Variants in SAMD4A observed in about 807,000 individuals in gnomAD.
The protein encoded by SAMD4A is protein Smaug homolog 1.
A neutral mutation model predicts 81.3 loss-of-function variants in SAMD4A; 33 were observed. The observed-to-expected ratio is 0.41, with a 90% CI of 0.31 to 0.54. SAMD4A has a LOEUF of 0.54. SAMD4A is among the 20% of genes least tolerant of loss of function. The pLI, the probability that SAMD4A is intolerant of heterozygous loss-of-function variation, is 0.37. For synonymous variants in SAMD4A, 389 were observed against 382.1 expected (o/e 1.02, Z -0.21); for missense variants, 854 against 951.1 (o/e 0.90, Z 1.34).
At chr14:54,776,598 T>A (rs573142579) in intron 11 of SAMD4A, 58 bp downstream of exon 11, 2 of 1,447,984 alleles carry the variant, frequency 1.4e-6, no homozygotes, top group East Asian at 5.4e-5. Context: ...ATAGATGCCC[T>A]AGCAAACCCA....
At position 54,793,168 on chromosome 14, in the gene SAMD4A, T is replaced by C. The variant is rs187226136; in HGVS notation, c.*4224T>C. ...CAAGTGTACAGTTTTCAAATGTTGT[T>C]ACCAGTGAAACACCCTTGTGGTTTA... On this transcript the variant is annotated 3_prime_UTR_variant, in exon 13 of 13. Transcript: ENST00000554335. 10 of 152,366 alleles carry C rather than the reference T, an allele frequency of 6.6e-5. No individual in the cohort carries two copies. The East Asian group carries it at 1.9e-3, about 29-fold the overall frequency. The allele number at this position is 152,366 out of a possible 1,614,324, so 9.4% of individuals were successfully genotyped here.
At chr14:54,616,239 C>G (rs1007545671) in intron 2 of SAMD4A, among the ~76,000 whole-genome samples, 1 of 152,196 alleles carries the variant, frequency 6.6e-6, no homozygotes, top group Non-Finnish European at 1.5e-5. Context: ...AACTATTCAG[C>G]GTTAACCCCA....
chr14:54,783,303 A>C (rs1413336216), intron 11 of SAMD4A, among the ~76,000 whole-genome samples: 1 of 152,284 alleles, frequency 6.6e-6, no homozygotes, highest in East Asian at 1.9e-4. Context: ...ATTCAGAGAG[A>C]TAGGGAAGCA....
At chr14:54,589,284 G>T (rs758361614) in intron 2 of SAMD4A, among the ~76,000 whole-genome samples, 1 of 152,154 alleles carries the variant, frequency 6.6e-6, no homozygotes, top group Non-Finnish European at 1.5e-5. Context: ...AACAGTGACT[G>T]CCATGGGTTA....
At chr14:54,749,578 C>A (rs1354361003) in intron 5 of SAMD4A, among the ~76,000 whole-genome samples, 2 of 152,186 alleles carry the variant, frequency 1.3e-5, no homozygotes, top group Non-Finnish European at 2.9e-5. Context: ...TTCCCTTCTG[C>A]ATGCCATAAA....
At chr14:54,773,946 C>T (rs1018808279) in intron 9 of SAMD4A, among the ~76,000 whole-genome samples, 18 of 152,198 alleles carry the variant, frequency 1.2e-4, no homozygotes, top group Admixed American at 1.0e-3. Flanking sequence ...TCTCCAAGTC[C>T]GCCACACAGA....
chr14:54,736,974 C>T (rs761225637), intron 3 of SAMD4A, 50 bp from the exon 4 acceptor site: 46 of 1,600,178 alleles, frequency 2.9e-5, no homozygotes, highest in Non-Finnish European at 3.7e-5. Flanking sequence ...CTTCGGTGTC[C>T]CAGGATAAAG....
intron 2 of SAMD4A, among the ~76,000 whole-genome samples, chr14:54,569,283 G>A (rs917260632): frequency 2.0e-5 from 3 of 152,172 alleles, no homozygotes; most frequent in African/African-American, 7.2e-5. Context: ...GCAGCAAGAA[G>A]CGAGCCGGCC....
At chr14:54,710,664 C>T (rs1046452356) in intron 3 of SAMD4A, among the ~76,000 whole-genome samples, 2 of 152,128 alleles carry the variant, frequency 1.3e-5, no homozygotes, top group Non-Finnish European at 2.9e-5. Flanking sequence ...CCACAGCCCA[C>T]AGGTATGAGA....
intron 2 of SAMD4A, among the ~76,000 whole-genome samples, chr14:54,614,455 G>T (rs1035259863): frequency 9.9e-5 from 15 of 152,092 alleles, no homozygotes; most frequent in African/African-American, 3.1e-4. Context: ...CATTTGTTTG[G>T]ATACTGGAAA....
intron 3 of SAMD4A, among the ~76,000 whole-genome samples, chr14:54,719,227 C>T (rs1199162747): frequency 6.6e-6 from 1 of 151,898 alleles, no homozygotes; most frequent in Non-Finnish European, 1.5e-5. Context: ...TTAAAGAACC[C>T]CACTGCCAAG....
chr14:54,679,640 T>C (rs2036082286), intron 2 of SAMD4A, among the ~76,000 whole-genome samples: 3 of 152,212 alleles, frequency 2.0e-5, no homozygotes, highest in African/African-American at 7.2e-5. Flanking sequence ...ACCATTGTTT[T>C]CCATGTCATC....
At chr14:54,644,058 A>C (rs1180316914) in intron 2 of SAMD4A, among the ~76,000 whole-genome samples, 1 of 152,194 alleles carries the variant, frequency 6.6e-6, no homozygotes, top group African/African-American at 2.4e-5. Context: ...TTTCAGGGCA[A>C]ACCACTGGGA....
Position 54,614,568 on chromosome 14 carries a change from C to T in SAMD4A, c.196+46456C>T, listed in dbSNP as rs369463755. The stretch of plus-strand genomic sequence containing the variant: ...ATCTGGGCCTCTTCTTTCTTCTGTG[C>T]CAGTGGTCGGCACCTTTCCCTCCTC... On this transcript the variant is annotated intron_variant, in intron 2 of 12. Coordinates refer to ENST00000554335, the MANE Select transcript of SAMD4A (RefSeq NM_015589.6). Among the ~76,000 whole-genome samples, 5 of 152,270 alleles carry T rather than the reference C, an allele frequency of 3.3e-5. No individual in the cohort carries two copies. The East Asian group carries it at 9.6e-4, about 29-fold the overall frequency.
intron 2 of SAMD4A, among the ~76,000 whole-genome samples, chr14:54,676,109 C>CT (rs1566578830): frequency 6.6e-6 from 1 of 152,184 alleles, no homozygotes; most frequent in Non-Finnish European, 1.5e-5. Flanking sequence ...TGGAGAACAA[C>CT]TGAGTATGAT....
At chr14:54,625,928 C>A (rs1160372493) in intron 2 of SAMD4A, among the ~76,000 whole-genome samples, 1 of 151,924 alleles carries the variant, frequency 6.6e-6, no homozygotes, top group African/African-American at 2.4e-5. Flanking sequence ...GTTTCCGAAG[C>A]ATGCTAAGCA....
At chr14:54,653,021 G>A (rs1179728405) in intron 2 of SAMD4A, among the ~76,000 whole-genome samples, 13 of 151,934 alleles carry the variant, frequency 8.6e-5, no homozygotes, top group Admixed American at 8.5e-4. Flanking sequence ...ACGTAGCCCT[G>A]TCTTCATTCA....
At chr14:54,769,880 A>G (rs1418879426) in intron 8 of SAMD4A, among the ~76,000 whole-genome samples, 2 of 152,214 alleles carry the variant, frequency 1.3e-5, no homozygotes, top group Non-Finnish European at 2.9e-5. Context: ...AGGGTTGTCA[A>G]CAGTTTGATG....
chr14:54,707,031 G>A (rs1399238722), intron 3 of SAMD4A, among the ~76,000 whole-genome samples: 2 of 151,852 alleles, frequency 1.3e-5, no homozygotes, highest in Non-Finnish European at 2.9e-5. Context: ...GTATGGAGCA[G>A]AAGGAATGGA....
Sources: allele counts gnomAD v4.1 joint callset (sites outside exome capture counted in the v4.1 genomes callset), GRCh38; gene constraint gnomAD v4.1.1; transcripts MANE v1.5; gene names NCBI Gene and HGNC (gene_info 2026-07-23, HGNC 2026-07-21).